MAMLD1: variants seen among roughly 807,000 people sequenced by gnomAD.
MAMLD1 encodes the protein mastermind-like domain-containing protein 1.
Under a neutral mutation model 45.0 loss-of-function variants are expected in MAMLD1, and 14 were observed. That is an observed-to-expected ratio of 0.31 (90% CI 0.21 to 0.49). The LOEUF (loss-of-function observed/expected upper bound fraction) is 0.49. Among genes scored for constraint, MAMLD1 ranks in the 20% least tolerant of loss-of-function variants. MAMLD1 has a pLI of 0.99. For missense variants in MAMLD1, 543 were observed against 603.6 expected (o/e 0.90, Z 1.05); for synonymous variants, 254 against 247.8 (o/e 1.02, Z -0.24).
At position 150,473,695 on chromosome X, in the gene MAMLD1, T is replaced by C. The variant is rs782172986; in HGVS notation, c.1933T>C (p.Phe645Leu). 22 of 1,209,356 alleles carry C rather than the reference T, an allele frequency of 1.8e-5. No individual in the cohort carries two copies. The highest frequency in any genetic ancestry group is 2.1e-5 in the Non-Finnish European group (19 of 894,616). ...TTTATTATAGGGCTGTTGCCATCTG[T>C]TTGCATGGACTTCTGCAGCTAGCTC... ...ALPRQGCCHL[F>L]AWTSAASSVK... Residue 645 changes from phenylalanine to leucine, a missense_variant, in exon 5 of 8, where the codon TTT (phenylalanine) becomes CTT (leucine). Physicochemically the swap from Phe to Leu is conservative, Grantham distance 22. Transcript: ENST00000370401.
chrX:150,394,065 C>G (rs1435186991), intron 1 of MAMLD1, among the ~76,000 whole-genome samples: 1 of 91,733 alleles, frequency 1.1e-5, no homozygotes, highest in East Asian at 3.4e-4. Context: ...TTTTCTTTTG[C>G]ATTTATGTCT....
intron 1 of MAMLD1, among the ~76,000 whole-genome samples, chrX:150,368,767 G>C (rs1168327967): frequency 3.6e-5 from 4 of 112,210 alleles, no homozygotes; most frequent in Non-Finnish European, 7.5e-5. Context: ...TCCAGTTTCA[G>C]CTTTCTACAT....
At chrX:150,448,739 A>G (rs1005628613) in intron 2 of MAMLD1, among the ~76,000 whole-genome samples, 23 of 112,041 alleles carry the variant, frequency 2.1e-4, no homozygotes, top group African/African-American at 7.1e-4. Context: ...TTCTTTCCCT[A>G]GATCCCTAGA....
intron 5 of MAMLD1, among the ~76,000 whole-genome samples, chrX:150,488,153 G>A (rs927877348): frequency 8.9e-6 from 1 of 112,472 alleles, no homozygotes; most frequent in Admixed American, 9.3e-5. Flanking sequence ...TGGGAAGCTG[G>A]TGCCTTCCAG....
Position 150,471,251 on chromosome X carries a change from A to G in MAMLD1, c.1678A>G (p.Met560Val), listed in dbSNP as rs782520273. ...GCCGGGTCCCCAGAAGATGCCCTCCATGCCTACCACCTCTAGGCAGCCTTC... is the reference window on the plus strand; with the variant it reads ...GCCGGGTCCCCAGAAGATGCCCTCCGTGCCTACCACCTCTAGGCAGCCTTC... ...SEPGPQKMPS[M>V]PTTSRQPSLL... Residue 560 changes from methionine (M) to valine (V), a missense_variant, in exon 4 of 8, where the codon ATG becomes GTG. Physicochemically the swap from Met to Val is conservative, Grantham distance 21. Transcript: ENST00000370401. 2 of 1,211,252 alleles carry G rather than the reference A, an allele frequency of 1.7e-6. No individual in the cohort carries two copies. Among genetic ancestry groups the G allele is most frequent in the Non-Finnish European group, 2.2e-6 (2 of 895,380 alleles).
chrX:150,412,236 A>G (rs1467830461), intron 1 of MAMLD1, among the ~76,000 whole-genome samples: 2 of 111,127 alleles, frequency 1.8e-5, no homozygotes, highest in Non-Finnish European at 3.8e-5. Flanking sequence ...GTGAGAGGGA[A>G]AGATTTCAGT....
intron 1 of MAMLD1, among the ~76,000 whole-genome samples, chrX:150,430,124 C>T (rs1287906986): frequency 7.5e-5 from 7 of 93,731 alleles, no homozygotes; most frequent in Admixed American, 4.2e-4. Flanking sequence ...TGGGTTCAAG[C>T]GATTCTCCTG....
chrX:150,498,562 A>T (rs1311604679), intron 5 of MAMLD1, among the ~76,000 whole-genome samples: 1 of 112,394 alleles, frequency 8.9e-6, no homozygotes, highest in Non-Finnish European at 1.9e-5. Context: ...AACTATTTAA[A>T]TTAATAAAAA....
At chrX:150,444,778 G>T (rs782674759) in intron 1 of MAMLD1, among the ~76,000 whole-genome samples, 9 of 111,704 alleles carry the variant, frequency 8.1e-5, no homozygotes, top group Non-Finnish European at 1.7e-4. Flanking sequence ...ACTTTACCTG[G>T]GTTTGCATAT....
chrX:150,385,581 T>C (rs966481869), intron 1 of MAMLD1, among the ~76,000 whole-genome samples: 1 of 111,389 alleles, frequency 9.0e-6, no homozygotes, highest in South Asian at 3.8e-4. Flanking sequence ...CTAAATGAAA[T>C]GGAATCATCA....
At chrX:150,440,607 T>C (rs190064432) in intron 1 of MAMLD1, among the ~76,000 whole-genome samples, 1 of 109,831 alleles carries the variant, frequency 9.1e-6, no homozygotes, top group East Asian at 2.8e-4. Flanking sequence ...GATTGGTCCA[T>C]TTTATCTAAG....
At chrX:150,372,474 A>G (rs1398901257) in intron 1 of MAMLD1, among the ~76,000 whole-genome samples, 1 of 111,852 alleles carries the variant, frequency 8.9e-6, no homozygotes, top group African/African-American at 3.3e-5. Context: ...CCAACGTCAC[A>G]TGGTTTGCGT....
chrX:150,409,734 G>T (rs1369009279), intron 1 of MAMLD1, among the ~76,000 whole-genome samples: 1 of 111,246 alleles, frequency 9.0e-6, no homozygotes, highest in Admixed American at 9.5e-5. Flanking sequence ...TCACTGGCTC[G>T]GCCGGCTCTC....
In MAMLD1 at chrX:150,512,084, A is replaced by G. The variant is rs1182074181; in HGVS notation, c.*125A>G. On this transcript the variant is annotated 3_prime_UTR_variant, in exon 8 of 8. Transcript: ENST00000370401. ...TAGCAAGCACTTGATGCCACCCAGA[A>G]CTGGGCTTCTTCAGAACAATCTGAG... 5.2e-6 allele frequency: 6 copies of G among 1,146,939 alleles called. No homozygotes were observed. The East Asian group carries it at 2.0e-4, about 38-fold the overall frequency. The allele number at this position is 1,146,939 out of a possible 1,213,427, so 94.5% of individuals were successfully genotyped here. A position where few individuals can be genotyped will look rare whatever the true frequency, so the allele number is the denominator to read the frequency against.
At chrX:150,479,631 T>C (rs1398651456) in intron 5 of MAMLD1, among the ~76,000 whole-genome samples, 1 of 112,027 alleles carries the variant, frequency 8.9e-6, no homozygotes, top group Admixed American at 9.5e-5. Flanking sequence ...GGAATCTCAT[T>C]GCGCTTTTCA....
intron 1 of MAMLD1, among the ~76,000 whole-genome samples, chrX:150,375,722 C>T (rs2032281767): frequency 9.3e-6 from 1 of 107,333 alleles, no homozygotes; most frequent in East Asian, 2.9e-4. Flanking sequence ...GAGTGCTTAG[C>T]ACAGGGTCAC....
At chrX:150,457,562 C>T (rs920443808) in intron 2 of MAMLD1, among the ~76,000 whole-genome samples, 1 of 112,491 alleles carries the variant, frequency 8.9e-6, no homozygotes, top group Non-Finnish European at 1.9e-5. Flanking sequence ...AGCCAAAAGA[C>T]AGAAACAACC....
At chrX:150,433,400 G>C (rs1472324041) in intron 1 of MAMLD1, among the ~76,000 whole-genome samples, 1 of 111,736 alleles carries the variant, frequency 8.9e-6, no homozygotes, top group Admixed American at 9.5e-5. Context: ...TGCCCTTTAT[G>C]TATTTCTCTT....
intron 1 of MAMLD1, among the ~76,000 whole-genome samples, chrX:150,376,562 C>A (rs1432217348): frequency 9.0e-6 from 1 of 110,637 alleles, no homozygotes; most frequent in Non-Finnish European, 1.9e-5. Context: ...ACAGAAGAAG[C>A]CTCCAGGCCC....
Sources: gnomAD v4.1 joint callset for allele counts (sites outside exome capture counted in the v4.1 genomes callset) on GRCh38, gnomAD v4.1.1 for gene constraint, MANE v1.5 for transcripts, NCBI Gene and HGNC (gene_info 2026-07-23, HGNC 2026-07-21) for gene names.